The following SORCS1 variants were observed in gnomAD, a reference collection of about 807,000 sequenced individuals.
SORCS1 encodes the protein sortilin related VPS10 domain containing receptor 1.
A neutral mutation model predicts 146.1 loss-of-function variants in SORCS1; 60 were observed. The ratio of observed to expected loss-of-function variants is 0.41; its 90% confidence interval spans 0.33 to 0.51. The LOEUF (loss-of-function observed/expected upper bound fraction) is 0.51, where lower values mean the gene tolerates loss of function less well. Among genes scored for constraint, SORCS1 ranks in the 20% least tolerant of loss-of-function variants. The pLI is 0.21. For missense variants in SORCS1, 1,352 were observed against 1,487.6 expected (o/e 0.91, Z 1.50); for synonymous variants, 637 against 584.0 (o/e 1.09, Z -1.31).
chr10:106,671,427 C>T (rs1851593312), intron 15 of SORCS1, 60 bp from the exon 16 acceptor site: 2 of 1,602,482 alleles, frequency 1.2e-6, no homozygotes, highest in African/African-American at 1.3e-5. Flanking sequence ...CTCTGCTCCA[C>T]ATGAGTGACA....
intron 19 of SORCS1, among the ~76,000 whole-genome samples, chr10:106,627,778 A>G (rs1040802554): frequency 6.6e-6 from 1 of 152,194 alleles, no homozygotes; most frequent in Non-Finnish European, 1.5e-5. Context: ...GTAGATAGTA[A>G]AAGCTAATGG....
At chr10:106,664,620 T>C (rs1470671523) in intron 17 of SORCS1, among the ~76,000 whole-genome samples, 1 of 152,006 alleles carries the variant, frequency 6.6e-6, no homozygotes, top group Admixed American at 6.5e-5. Context: ...CCAGCCTGGG[T>C]AACAGAGTGA....
intron 24 of SORCS1, among the ~76,000 whole-genome samples, chr10:106,589,616 G>A (rs1374865187): frequency 6.7e-6 from 1 of 148,652 alleles, no homozygotes; most frequent in East Asian, 2.0e-4. Context: ...CATATTTCCA[G>A]CTTCCTGATG....
At chr10:107,016,201 T>C (rs1435862378) in intron 1 of SORCS1, among the ~76,000 whole-genome samples, 2 of 152,152 alleles carry the variant, frequency 1.3e-5, no homozygotes, top group Admixed American at 1.3e-4. Context: ...TCACAAGACA[T>C]ACGTGCATAA....
chr10:106,672,028 C>G (rs1372628582), intron 15 of SORCS1, among the ~76,000 whole-genome samples: 25 of 152,204 alleles, frequency 1.6e-4, no homozygotes, highest in Admixed American at 1.6e-3. Flanking sequence ...GCAGGGCCCA[C>G]TATCAGACAC....
At chr10:106,727,710 G>A (rs1205655957) in intron 6 of SORCS1, among the ~76,000 whole-genome samples, 6 of 152,226 alleles carry the variant, frequency 3.9e-5, no homozygotes, top group African/African-American at 1.4e-4. Flanking sequence ...TAGACTGAGA[G>A]TTTACGAGAG....
intron 5 of SORCS1, among the ~76,000 whole-genome samples, chr10:106,740,103 C>A (rs1458194261): frequency 6.6e-6 from 1 of 152,084 alleles, no homozygotes; most frequent in African/African-American, 2.4e-5. Flanking sequence ...AAATTAGGCA[C>A]CCCCAATACA....
chr10:106,963,289 G>A (rs190159949), intron 1 of SORCS1, among the ~76,000 whole-genome samples: 261 of 151,718 alleles, frequency 1.7e-3, no homozygotes, highest in Middle Eastern at 3.4e-3. Context: ...CTAACTTTCC[G>A]TATTTTTAGT....
chr10:107,039,189 G>T (rs1041778133), intron 1 of SORCS1, among the ~76,000 whole-genome samples: 3 of 151,592 alleles, frequency 2.0e-5, no homozygotes, highest in Non-Finnish European at 4.4e-5. Flanking sequence ...ATAGCCGGGC[G>T]TAGTGGCGGG....
intron 1 of SORCS1, among the ~76,000 whole-genome samples, chr10:106,978,268 C>T (rs1464808760): frequency 6.6e-6 from 1 of 152,082 alleles, no homozygotes; most frequent in Non-Finnish European, 1.5e-5. Context: ...TTTAACCAGC[C>T]TGGTGGGAGA....
intron 5 of SORCS1, among the ~76,000 whole-genome samples, chr10:106,744,525 C>T (rs1857581794): frequency 1.3e-5 from 2 of 152,166 alleles, no homozygotes; most frequent in Admixed American, 1.3e-4. Context: ...ATATTGTAGT[C>T]TTCCCTTACC....
intron 1 of SORCS1, among the ~76,000 whole-genome samples, chr10:106,984,936 C>CCA (rs1956400799): frequency 6.6e-6 from 1 of 151,922 alleles, no homozygotes; most frequent in African/African-American, 2.4e-5. Context: ...GCCTGTAATC[C>CCA]CAGCACTTTG....
the SORCS1 span, among the ~76,000 whole-genome samples, chr10:107,174,607 T>C: frequency 6.6e-6 from 1 of 152,190 alleles, no homozygotes. Flanking sequence ...TGCTAGAATA[T>C]AAAAACAAAA....
intron 2 of SORCS1, among the ~76,000 whole-genome samples, chr10:106,952,650 C>T (rs2138932952): frequency 1.3e-5 from 2 of 150,378 alleles, no homozygotes; most frequent in East Asian, 3.9e-4. Flanking sequence ...TTCTAAATTA[C>T]ATTTTCAGTA....
rs766818370 is a variant in SORCS1, at chr10:106,970,336, C to CTTTTTT, written c.559-13762_559-13757dup. Among the ~76,000 whole-genome samples the CTTTTTT allele has an allele frequency of 3.5e-3, 309 of 89,410 alleles. 40 individuals carry two copies. The highest frequency in any genetic ancestry group is 0.016 in the African/African-American group (287 of 18,442). 58.7% of individuals were successfully genotyped at this position (89,410 alleles called of 152,430 possible). A position where few individuals can be genotyped will look rare whatever the true frequency, so the allele number is the denominator to read the frequency against. ...TTCCCTCCAAATGTAACCAACATCT[C>CTTTTTT]TTTTTTTTTTTTTTTTTTTGAGATG... On this transcript the variant is annotated intron_variant, in intron 1 of 25. Coordinates refer to ENST00000263054, the MANE Select transcript of SORCS1 (RefSeq NM_052918.5).
At chr10:106,716,589 G>A (rs1422778076) in intron 6 of SORCS1, among the ~76,000 whole-genome samples, 1 of 152,152 alleles carries the variant, frequency 6.6e-6, no homozygotes, top group African/African-American at 2.4e-5. Context: ...TTAACTCCTG[G>A]CTGATTCCCT....
chr10:106,661,281 C>T (rs1850708059), intron 17 of SORCS1, among the ~76,000 whole-genome samples: 1 of 152,174 alleles, frequency 6.6e-6, no homozygotes, highest in African/African-American at 2.4e-5. Context: ...AAAAGGAACT[C>T]GTTCAGTAAT....
intron 3 of SORCS1, among the ~76,000 whole-genome samples, chr10:106,816,589 C>A (rs1947752547): frequency 6.6e-6 from 1 of 152,156 alleles, no homozygotes; most frequent in African/African-American, 2.4e-5. Flanking sequence ...ATCCTACAGG[C>A]AACTTCCCAA....
At position 106,611,031 on chromosome 10, in the gene SORCS1, G is replaced by C. The variant is rs535230047; in HGVS notation, c.3033+880C>G. ...GAAGGCAGAGGTAGCAGTGAGATGA[G>C]ATTGAGTCACTGCACTCCAGCCTGG... is the stretch of plus-strand genomic sequence containing the variant. On this transcript the variant is annotated intron_variant, in intron 22 of 25. Transcript: ENST00000263054. 1.2e-4 allele frequency among the ~76,000 whole-genome samples: 18 copies of C among 152,132 alleles called. No individual in the cohort carries two copies. The South Asian group carries it at 1.7e-3, about 14-fold the overall frequency.
Sources: allele counts gnomAD v4.1 joint callset (sites outside exome capture counted in the v4.1 genomes callset), GRCh38; gene constraint gnomAD v4.1.1; transcripts MANE v1.5; gene names NCBI Gene and HGNC (gene_info 2026-07-23, HGNC 2026-07-21).